The following LAMB4 variants were observed in gnomAD, a reference collection of about 807,000 sequenced individuals.
The protein encoded by LAMB4 is laminin subunit beta 4, also known as laminin subunit beta-4.
In LAMB4, 196 loss-of-function variants were observed where a neutral mutation model predicts 199.2. That is an observed-to-expected ratio of 0.98 (90% CI 0.88 to 1.11). The LOEUF is 1.11. Among genes scored for constraint, LAMB4 ranks in the 50% least tolerant of loss-of-function variants. The probability of loss-of-function intolerance (pLI) is 0.00; values close to 1 mark genes in which losing one functional copy is unlikely to be tolerated. For synonymous variants in LAMB4, 744 were observed against 770.6 expected (o/e 0.97, Z 0.57); for missense variants, 2,080 against 2,171.2 (o/e 0.96, Z 0.83).
intron 14 of LAMB4, among the ~76,000 whole-genome samples, chr7:108,084,784 C>CTTTTTTTTTTTTTTTTTTTTTTTTTT: frequency 1.0e-5 from 1 of 96,526 alleles, no homozygotes; most frequent in Non-Finnish European, 2.0e-5. Flanking sequence ...CCAAGGAATC[C>CTTTTTTTTTTTTTTTTTTTTTTTTTT]TTTTTTTTTT....
intron 26 of LAMB4, among the ~76,000 whole-genome samples, chr7:108,050,843 A>G (rs1387467788): frequency 6.6e-6 from 1 of 152,212 alleles, no homozygotes; most frequent in Non-Finnish European, 1.5e-5. Flanking sequence ...AGACTTTACT[A>G]ATGAACCCAG....
rs752445613 is a variant in LAMB4, at chr7:108,069,792, A to C, written c.2218T>G (p.Ser740Ala). Residue 740 changes from serine to alanine, a missense_variant, in exon 18 of 34, where the codon TCA becomes GCA. Ser to Ala is a moderately conservative substitution (Grantham distance 99). Transcript: ENST00000388781. ...GGGAGCACTTGAGGTCCCATTGCTG[A>C]GGCAATTTCAACACAGTTGTGAAGC... is the stretch of plus-strand genomic sequence containing the variant. ...YQLHNCVEIA[S>A]AMGPQVLPGA... 2 of 1,614,064 alleles carry C rather than the reference A, an allele frequency of 1.2e-6. No homozygotes were observed. Among genetic ancestry groups the C allele is most frequent in the Non-Finnish European group, 1.7e-6 (2 of 1,179,930 alleles).
intron 8 of LAMB4, 49 bp downstream of exon 8, chr7:108,105,767 AG>A: frequency 6.8e-7 from 1 of 1,480,324 alleles, no homozygotes; most frequent in Non-Finnish European, 9.4e-7. Flanking sequence ...GCACCAGGAC[AG>A]TGAAAGGCAG....
intron 8 of LAMB4, 47 bp downstream of exon 8, chr7:108,105,770 G>GGC: frequency 6.5e-7 from 1 of 1,531,206 alleles, no homozygotes; most frequent in Non-Finnish European, 9.0e-7. Flanking sequence ...CCAGGACAGT[G>GGC]AAAGGCAGGT....
In LAMB4 at chr7:108,069,819, G is replaced by A. The variant is rs747494527; in HGVS notation, c.2191C>T (p.Gln731Ter). The change falls in exon 18 of 34, where the codon CAG (glutamine) becomes TAG (stop). Residue 731 changes from glutamine to a stop codon, truncating the protein, a stop_gained. Coordinates refer to ENST00000388781, the MANE Select transcript of LAMB4 (RefSeq NM_007356.3). LOFTEE classifies it high-confidence loss of function. ...GCAATTTCAACACAGTTGTGAAGCT[G>A]ATACTCATCTAAGTCCTGCTTGCTG... ...FCSKQDLDEY[Q>*]LHNCVEIASA... 1.9e-6 allele frequency: 3 copies of A among 1,614,046 alleles called. No homozygotes were observed. In the East Asian group the frequency reaches 6.7e-5, roughly 36 times the overall value.
At chr7:108,066,318 T>A (rs1343263653) in intron 20 of LAMB4, 51 bp downstream of exon 20, 2 of 1,332,258 alleles carry the variant, frequency 1.5e-6, no homozygotes, top group Admixed American at 3.6e-5. Context: ...ATTAGGAGAT[T>A]GGAACAAAGT....
chr7:108,091,585 C>A, intron 14 of LAMB4, 41 bp downstream of exon 14: 2 of 1,589,582 alleles, frequency 1.3e-6, no homozygotes, highest in Non-Finnish European at 1.7e-6. Flanking sequence ...ACTGACATAT[C>A]ATCAAACACA....
chr7:108,016,242 C>T, the LAMB4 span, among the ~76,000 whole-genome samples: 18 of 146,194 alleles, frequency 1.2e-4, no homozygotes, highest in South Asian at 2.2e-4. Context: ...GGGGGTAGGA[C>T]GAGGGAATTT....
At chr7:108,095,191 T>C (rs1298127690) in intron 12 of LAMB4, 37 bp downstream of exon 12, 2 of 1,463,206 alleles carry the variant, frequency 1.4e-6, no homozygotes, top group Admixed American at 1.7e-5. Flanking sequence ...GAAATCTGTA[T>C]CACTATAGAA....
Position 108,116,166 on chromosome 7 carries a change from A to T in LAMB4, c.35-5T>A. The T allele has an allele frequency of 6.2e-7, 1 of 1,612,874 alleles. No individual in the cohort carries two copies. Among genetic ancestry groups the T allele is most frequent in the Non-Finnish European group, 8.5e-7 (1 of 1,179,172 alleles). ...CTTTTGAGTAACTGAGCCACCCTTGAACACAACAGAAATAGCTTACACGGA... is the reference window on the plus strand; with the variant it reads ...CTTTTGAGTAACTGAGCCACCCTTGTACACAACAGAAATAGCTTACACGGA... On this transcript the variant is annotated splice_polypyrimidine_tract_variant and splice_region_variant and intron_variant, in intron 2 of 33. Coordinates refer to ENST00000388781, the MANE Select transcript of LAMB4 (RefSeq NM_007356.3).
intron 33 of LAMB4, among the ~76,000 whole-genome samples, chr7:108,025,401 C>CT (rs768913701): frequency 7.0e-5 from 8 of 113,570 alleles, no homozygotes; most frequent in African/African-American, 6.0e-4. Context: ...TTCTTTCTTT[C>CT]TTTCTTTCTT....
chr7:108,066,285 G>C, intron 20 of LAMB4, 84 bp downstream of exon 20: 1 of 987,906 alleles, frequency 1.0e-6, no homozygotes, highest in Admixed American at 2.3e-5. Flanking sequence ...AAATATTGTT[G>C]AGTCTCTACT....
intron 3 of LAMB4, among the ~76,000 whole-genome samples, chr7:108,115,010 TA>T (rs1422289431): frequency 6.6e-6 from 1 of 152,242 alleles, no homozygotes; most frequent in Non-Finnish European, 1.5e-5. Flanking sequence ...TTCAAAGTTC[TA>T]CACCTCTTCC....
At chr7:108,121,750 TAAAAAAAAAA>T (rs36039113) in intron 2 of LAMB4, among the ~76,000 whole-genome samples, 1 of 138,248 alleles carries the variant, frequency 7.2e-6, no homozygotes, top group Non-Finnish European at 1.6e-5. Context: ...AACTCTGTCT[TAAAAAAAAAA>T]AAAAAAGAAC....
intron 33 of LAMB4, 110 bp from the exon 34 acceptor site, chr7:108,024,288 G>T: frequency 3.7e-6 from 2 of 544,788 alleles, no homozygotes; most frequent in South Asian, 4.6e-5. Flanking sequence ...GATATATTTA[G>T]TTTTCTGTTT....
intron 24 of LAMB4, among the ~76,000 whole-genome samples, chr7:108,057,626 A>C (rs575116328): frequency 6.6e-6 from 1 of 152,328 alleles, no homozygotes; most frequent in African/African-American, 2.4e-5. Flanking sequence ...ATATAGGCTA[A>C]ATTTTTAACA....
intron 16 of LAMB4, among the ~76,000 whole-genome samples, chr7:108,077,964 T>C (rs1279655421): frequency 6.6e-6 from 1 of 152,218 alleles, no homozygotes; most frequent in Non-Finnish European, 1.5e-5. Flanking sequence ...TTTTAAGTAC[T>C]CTCCTTCTCA....
intron 6 of LAMB4, among the ~76,000 whole-genome samples, chr7:108,107,265 T>C (rs1008946204): frequency 2.0e-5 from 3 of 152,164 alleles, no homozygotes; most frequent in African/African-American, 7.2e-5. Flanking sequence ...CCCGGCAGAT[T>C]CCCCTGGGGT....
At chr7:108,047,810 T>C in intron 28 of LAMB4, 98 bp downstream of exon 28, 1 of 924,872 alleles carries the variant, frequency 1.1e-6, no homozygotes, top group Non-Finnish European at 1.7e-6. Flanking sequence ...CTAGAATCTA[T>C]CTTCTCACTT....
Sources: gnomAD v4.1 joint callset for allele counts (sites outside exome capture counted in the v4.1 genomes callset) on GRCh38, gnomAD v4.1.1 for gene constraint, MANE v1.5 for transcripts, NCBI Gene and HGNC (gene_info 2026-07-23, HGNC 2026-07-21) for gene names.